Variants in HOGA1 observed in about 807,000 individuals in gnomAD.
The protein encoded by HOGA1 is 4-hydroxy-2-oxoglutarate aldolase 1.
Under a neutral mutation model 34.3 loss-of-function variants are expected in HOGA1, and 30 were observed. That is an observed-to-expected ratio of 0.87 (90% CI 0.65 to 1.19). The LOEUF is 1.19. Among genes scored for constraint, HOGA1 ranks in the 50% most tolerant of loss-of-function variants. HOGA1 has a pLI of 0.00. For missense variants in HOGA1, 417 were observed against 436.5 expected, an observed-to-expected ratio of 0.96 and a Z score of 0.40; for synonymous variants, 161 against 174.0, an observed-to-expected ratio of 0.93 and a Z score of 0.59.
rs1343108602 is a variant in HOGA1 at position 97,603,116 on chromosome 10, C to T, written c.834+1126C>T. On this transcript the variant is annotated intron_variant, in intron 6 of 6. Transcript: ENST00000370646. This position sits in a 1 kb window ranked among gnomAD's most constrained non-coding sequence, Gnocchi z 4.5. ...TCCCTGGTGCGAGCAATTCTCCTGT[C>T]TCAGCTTCCCTAGTAGCTGGGATTA... Among the ~76,000 whole-genome samples the T allele has an allele frequency of 6.6e-6, 1 of 152,160 alleles. No individual in the cohort carries two copies. Among genetic ancestry groups the T allele is most frequent in the Non-Finnish European group, 1.5e-5 (1 of 68,034 alleles).
At chr10:97,602,033 C>G in intron 6 of HOGA1, 43 bp downstream of exon 6, 1 of 1,582,370 alleles carries the variant, frequency 6.3e-7, no homozygotes. Flanking sequence ...GGGGGGTGGG[C>G]AGTCTGTGTC....
intron 6 of HOGA1, among the ~76,000 whole-genome samples, chr10:97,607,808 A>G (rs2041168212): frequency 6.6e-6 from 1 of 152,102 alleles, no homozygotes; most frequent in South Asian, 2.1e-4. Flanking sequence ...CTAAATGGTG[A>G]TTTTTTTCCC....
chr10:97,595,651 C>T (rs2041063870), intron 1 of HOGA1, among the ~76,000 whole-genome samples: 1 of 152,168 alleles, frequency 6.6e-6, no homozygotes, highest in South Asian at 2.1e-4. Flanking sequence ...GCCGAGGTCG[C>T]ACCACTGCAC....
chr10:97,601,842 T>A lies in HOGA1; in HGVS notation c.701-15T>A. On this transcript the variant is annotated splice_polypyrimidine_tract_variant and intron_variant, in intron 5 of 6. Coordinates refer to ENST00000370646, the MANE Select transcript of HOGA1 (RefSeq NM_138413.4). ...GAGAGGCTCTGGCTGATGTTCTGCGTCTTACTTCGTGCAGGAGCTGTGGGG... is the reference window on the plus strand; with the variant it reads ...GAGAGGCTCTGGCTGATGTTCTGCGACTTACTTCGTGCAGGAGCTGTGGGG... The A allele has an allele frequency of 6.2e-7, 1 of 1,612,090 alleles. No individual in the cohort carries two copies. The highest frequency in any genetic ancestry group is 8.5e-7 in the Non-Finnish European group (1 of 1,179,934).
chr10:97,591,838 T>TGTGTGC (rs1367411773), intron 1 of HOGA1, among the ~76,000 whole-genome samples: 2 of 149,208 alleles, frequency 1.3e-5, no homozygotes, highest in Non-Finnish European at 3.0e-5. Context: ...TGTGTGTGTG[T>TGTGTGC]GTGTGTGTGT....
chr10:97,611,190 C>T (rs564199830), intron 6 of HOGA1, among the ~76,000 whole-genome samples: 4 of 152,348 alleles, frequency 2.6e-5, no homozygotes, highest in South Asian at 2.1e-4. Flanking sequence ...AGTGCCTAGA[C>T]CTGCAGCCTT....
intron 1 of HOGA1, chr10:97,590,821 G>C (rs1300683957): frequency 8.7e-6 from 5 of 573,826 alleles, no homozygotes; most frequent in Non-Finnish European, 1.6e-5. Context: ...GCGCAGGTGA[G>C]ATAGACCCTG....
intron 1 of HOGA1, among the ~76,000 whole-genome samples, chr10:97,594,301 G>A (rs1240442013): frequency 2.0e-5 from 3 of 150,138 alleles, no homozygotes; most frequent in Non-Finnish European, 4.4e-5. Flanking sequence ...TCTGACTCCC[G>A]AGTAGCTGGG....
In HOGA1 at chr10:97,584,641, AAG is replaced by A; in HGVS notation, c.-60_-59del. 1 of 1,384,796 alleles carries A rather than the reference AAG, an allele frequency of 7.2e-7. No homozygotes were observed. Among genetic ancestry groups the A allele is most frequent in the South Asian group, 1.3e-5 (1 of 76,938 alleles). The allele number at this position is 1,384,796 out of a possible 1,614,324, so 85.8% of individuals were successfully genotyped here. ...CATTGATCATTAATAGGGGGTTAGA[AAG>A]AGTTCAAACTAAGTCTCACTCTGGG... On this transcript the variant is annotated 5_prime_UTR_variant, in exon 1 of 7. Coordinates refer to ENST00000370646, the MANE Select transcript of HOGA1 (RefSeq NM_138413.4).
At chr10:97,598,651 A>G (rs1032363763) in intron 1 of HOGA1, 124 bp from the exon 2 acceptor site, 1 of 1,236,658 alleles carries the variant, frequency 8.1e-7, no homozygotes, top group Non-Finnish European at 1.2e-6. Context: ...CTGTGTGGGA[A>G]CCTTCTGTCT....
Position 97,601,967 on chromosome 10 carries a change from C to T in HOGA1, c.811C>T (p.Arg271Cys), listed in dbSNP as rs367741588. The T allele has an allele frequency of 5.6e-5, 91 of 1,612,582 alleles. No homozygotes were observed. The highest frequency in any genetic ancestry group is 5.1e-4 in the Middle Eastern group (3 of 5,894). The change falls in exon 6 of 7, where the codon CGC becomes TGC. Residue 271 changes from arginine to cysteine, a missense_variant. Transcript: ENST00000370646. Reference sequence around the variant, plus strand: ...GGAAGATGCCCAGAAACTGCAGCACCGCCTCATTGAGCCAAACGCTGCGGT... The same window carrying T: ...GGAAGATGCCCAGAAACTGCAGCACTGCCTCATTGAGCCAAACGCTGCGGT... ...QWEDAQKLQH[R>C]LIEPNAAVTR...
In HOGA1 at chr10:97,611,727, C is replaced by T. The variant is rs551593998; in HGVS notation, c.*68C>T. On this transcript the variant is annotated 3_prime_UTR_variant, in exon 7 of 7. Transcript: ENST00000370646. ...CCTGCCTTGCACTTGCAGCCTGAAGCGGAGAGCACAGGGGGATGAGGGTGG... is the reference window on the plus strand; with the variant it reads ...CCTGCCTTGCACTTGCAGCCTGAAGTGGAGAGCACAGGGGGATGAGGGTGG... The T allele has an allele frequency of 3.3e-4, 505 of 1,545,270 alleles. 1 individual carries two copies. Among genetic ancestry groups the T allele is most frequent in the African/African-American group, 2.8e-3 (205 of 74,072 alleles).
chr10:97,590,623 A>C, intron 1 of HOGA1: 1 of 1,558,082 alleles, frequency 6.4e-7, no homozygotes, highest in Non-Finnish European at 8.8e-7. Context: ...CCCTGCCCCC[A>C]GCAAGGCTGG....
intron 2 of HOGA1, 49 bp from the exon 3 acceptor site, chr10:97,599,040 G>A (rs780565044): frequency 3.7e-6 from 6 of 1,609,260 alleles, no homozygotes; most frequent in African/African-American, 2.7e-5. Context: ...CCAGTGTCCT[G>A]GTCCAGGCCT....
chr10:97,600,798 G>A lies in HOGA1; in HGVS notation c.700+635G>A, dbSNP rs541820298. On this transcript the variant is annotated intron_variant, in intron 5 of 6. Coordinates refer to ENST00000370646, the MANE Select transcript of HOGA1 (RefSeq NM_138413.4). ...GAGGGACTTTTCCAGCACTGCAGGG[G>A]AGAATGCTTGTTCCTATTCCATCTG... 215 of 159,232 alleles carry A rather than the reference G, an allele frequency of 1.4e-3. 1 individual carries two copies. Among genetic ancestry groups the A allele is most frequent in the Non-Finnish European group, 1.9e-3 (136 of 72,160 alleles). The allele number at this position is 159,232 out of a possible 1,614,324, so 9.9% of individuals were successfully genotyped here. A position where few individuals can be genotyped will look rare whatever the true frequency, so the allele number is the denominator to read the frequency against.
In HOGA1 at chr10:97,584,934, G is replaced by A. The variant is rs552420631; in HGVS notation, c.211+20G>A. ...TCCGAGGTAAGTGGGGCTGTCCTCT[G>A]TGGGACCTGGGGAGATGTGAGTGGC... On this transcript the variant is annotated intron_variant, in intron 1 of 6. Coordinates refer to ENST00000370646, the MANE Select transcript of HOGA1 (RefSeq NM_138413.4). The A allele has an allele frequency of 3.7e-6, 6 of 1,607,644 alleles. No individual in the cohort carries two copies. In the East Asian group the frequency reaches 1.3e-4, roughly 36 times the overall value.
chr10:97,590,670 T>A (rs997975488), intron 1 of HOGA1: 67 of 1,159,206 alleles, frequency 5.8e-5, no homozygotes, highest in Non-Finnish European at 8.3e-5. Context: ...TATGGGGCCA[T>A]CTATGCAGGC....
chr10:97,599,583 A>G, intron 3 of HOGA1, 97 bp from the exon 4 acceptor site: 1 of 1,504,344 alleles, frequency 6.6e-7, no homozygotes, highest in Non-Finnish European at 9.2e-7. Context: ...GTGGCCCTGT[A>G]GTGAAGCAGG....
rs1214915266 is a variant in HOGA1 at position 97,600,091 on chromosome 10, C to T, written c.628C>T (p.His210Tyr). The change falls in exon 5 of 7, where the codon CAC (histidine) becomes TAC (tyrosine). Residue 210 changes from histidine to tyrosine, a missense_variant. By Grantham distance (83) the His-to-Tyr change is moderately conservative (BLOSUM62 2). Coordinates refer to ENST00000370646, the MANE Select transcript of HOGA1 (RefSeq NM_138413.4). ...GGTGACCAGGATTGGGCTGATTGTT[C>T]ACAAGACCAGGAAGCAGGATTTTCA... ...GDVTRIGLIV[H>Y]KTRKQDFQVL... 1 of 1,614,028 alleles carries T rather than the reference C, an allele frequency of 6.2e-7. No individual in the cohort carries two copies. The highest frequency in any genetic ancestry group is 1.3e-5 in the African/African-American group (1 of 74,914).
Sources: gnomAD v4.1 joint callset for allele counts (sites outside exome capture counted in the v4.1 genomes callset) on GRCh38, gnomAD v4.1.1 for gene constraint, Gnocchi (gnomAD v3.1) non-coding constraint, MANE v1.5 for transcripts, NCBI Gene and HGNC (gene_info 2026-07-23, HGNC 2026-07-21) for gene names.